Variants in MESP1 observed in about 807,000 individuals in gnomAD.
MESP1 encodes mesoderm posterior protein 1.
A neutral mutation model predicts 15.2 loss-of-function variants in MESP1; 22 were observed. The observed-to-expected ratio is 1.45, with a 90% CI of 1.04 to 2.07. The LOEUF is 2.07. Among genes scored for constraint, MESP1 ranks in the 30% most tolerant of loss-of-function variants. The probability of loss-of-function intolerance (pLI) is 0.00; values close to 1 mark genes in which losing one functional copy is unlikely to be tolerated. For missense variants in MESP1, 484 were observed against 411.9 expected (o/e 1.17, Z -1.51); for synonymous variants, 216 against 192.6 (o/e 1.12, Z -1.01).
the MESP1 span, chr15:89,735,643 G>GA: frequency 7.3e-7 from 1 of 1,372,822 alleles, no homozygotes; most frequent in Non-Finnish European, 1.0e-6. Flanking sequence ...AATGCTTATT[G>GA]AAGGCCTGTT....
At chr15:89,734,016 C>T in the MESP1 span, among the ~76,000 whole-genome samples, 5 of 151,054 alleles carry the variant, frequency 3.3e-5, no homozygotes, top group South Asian at 2.1e-4. Flanking sequence ...TGTGTGTGCG[C>T]GCGCGCATGT....
At chr15:89,747,101 TACACACACACAC>T (rs539868537), downstream of MESP1, among the ~76,000 whole-genome samples, 34,894 of 127,376 alleles carry the variant, frequency 0.27, 4,550 homozygotes, top group South Asian at 0.33. Flanking sequence ...CACTGCCACA[TACACACACACAC>T]ACACACACAC....
chr15:89,733,993 A>ATGTGTGTG, the MESP1 span, among the ~76,000 whole-genome samples: 1 of 149,206 alleles, frequency 6.7e-6, no homozygotes, highest in Non-Finnish European at 1.5e-5. Flanking sequence ...AACCTGTATA[A>ATGTGTGTG]TGTGTGTGTG....
At chr15:89,746,673 A>C (rs1307455807), downstream of MESP1, among the ~76,000 whole-genome samples, 3 of 136,880 alleles carry the variant, frequency 2.2e-5, no homozygotes, top group Non-Finnish European at 4.7e-5. Context: ...ACAAACACAC[A>C]CAGCCGCACC....
At chr15:89,738,189 C>T in the MESP1 span, 2 of 1,613,770 alleles carry the variant, frequency 1.2e-6, no homozygotes, top group Admixed American at 1.7e-5. Flanking sequence ...TGGCCTTCCC[C>T]CAAGCACTGC....
At position 89,750,962 on chromosome 15, in the gene MESP1, C is replaced by T. The variant is rs1371061657; in HGVS notation, c.270G>A (p.Arg90=). The T allele has an allele frequency of 3.5e-6, 5 of 1,442,828 alleles. No individual in the cohort carries two copies. In the East Asian group the frequency reaches 1.2e-4, roughly 35 times the overall value. The allele number at this position is 1,442,828 out of a possible 1,614,324, so 89.4% of individuals were successfully genotyped here. A position where few individuals can be genotyped will look rare whatever the true frequency, so the allele number is the denominator to read the frequency against. Residue 90 remains arginine (R), a synonymous_variant, in exon 1 of 2, where the codon CGG becomes CGA. Coordinates refer to ENST00000300057, the MANE Select transcript of MESP1 (RefSeq NM_018670.4). ...GSGQRQSASE[R]EKLRMRTLAR... ...CCAGCGTGCGCATGCGCAGTTTCTC[C>T]CGCTCACTGGCGCTCTGCCTCTGCC...
the MESP1 span, among the ~76,000 whole-genome samples, chr15:89,742,416 C>G: frequency 4.7e-5 from 7 of 148,502 alleles, no homozygotes; most frequent in African/African-American, 1.8e-4. Flanking sequence ...CCACTGACAG[C>G]CCCCCCTCCA....
At chr15:89,743,376 G>A in the MESP1 span, 1 of 1,614,170 alleles carries the variant, frequency 6.2e-7, no homozygotes, top group Non-Finnish European at 8.5e-7. Context: ...TCCAGAGAGA[G>A]AACTTCAAGA....
At chr15:89,740,858 G>T in the MESP1 span, among the ~76,000 whole-genome samples, 1 of 151,904 alleles carries the variant, frequency 6.6e-6, no homozygotes, top group Non-Finnish European at 1.5e-5. Flanking sequence ...GTGTTAAATT[G>T]GCCGGGCGCG....
the MESP1 span, chr15:89,738,021 G>C: frequency 9.4e-6 from 15 of 1,591,098 alleles, no homozygotes; most frequent in South Asian, 1.7e-4. Context: ...ACAGAACATG[G>C]TGTTCTTGTC....
chr15:89,742,917 T>TA, the MESP1 span, among the ~76,000 whole-genome samples: 1 of 152,252 alleles, frequency 6.6e-6, no homozygotes, highest in Non-Finnish European at 1.5e-5. Flanking sequence ...GTGACTGGCA[T>TA]ATTTCAGTCA....
the MESP1 span, among the ~76,000 whole-genome samples, chr15:89,734,890 G>T: frequency 6.6e-6 from 1 of 152,098 alleles, no homozygotes; most frequent in Non-Finnish European, 1.5e-5. Context: ...TCTCTAAACA[G>T]TATATTATTT....
At chr15:89,747,946 G>T (rs184036161), downstream of MESP1, among the ~76,000 whole-genome samples, 203 of 152,286 alleles carry the variant, frequency 1.3e-3, no homozygotes, top group African/African-American at 4.7e-3. Flanking sequence ...TGGGGGTTGG[G>T]GATGCTGGAG....
rs1466739853 is a variant in MESP1, at chr15:89,750,189, C to T, written c.762G>A (p.Trp254Ter). 1.2e-6 allele frequency: 2 copies of T among 1,613,962 alleles called. No individual in the cohort carries two copies. Among genetic ancestry groups the T allele is most frequent in the South Asian group, 1.1e-5 (1 of 91,090 alleles). ...GCCACTCCAGAGGCGAGAGGGGCATCCAGGTCTCCAACAGAGCCAGCACGT... is the reference window on the plus strand; with the variant it reads ...GCCACTCCAGAGGCGAGAGGGGCATTCAGGTCTCCAACAGAGCCAGCACGT... Reference protein sequence around the residue: ...PGDVLALLETWMPLSPLEWLP... With the variant: ...PGDVLALLET Residue 254 changes from tryptophan (W) to a stop codon, truncating the protein, a stop_gained, in exon 2 of 2, where the codon TGG becomes TGA. Coordinates refer to ENST00000300057, the MANE Select transcript of MESP1 (RefSeq NM_018670.4). LOFTEE classifies it high-confidence loss of function.
downstream of MESP1, chr15:89,748,841 CTG>C (rs1345682547): frequency 6.6e-6 from 1 of 152,156 alleles, no homozygotes; most frequent in Non-Finnish European, 1.5e-5. Flanking sequence ...TTGCACAACT[CTG>C]TGGATGTACT....
rs1968079164 is a variant in MESP1, at chr15:89,750,883, C to T, written c.349G>A (p.Gly117Ser). The change falls in exon 1 of 2, where the codon GGC becomes AGC. Residue 117 changes from glycine to serine, a missense_variant. Gly to Ser is a moderately conservative substitution (Grantham distance 56). Transcript: ENST00000300057. ...GTCTCGATCTTGGTCAGGCTCTGGCCCGCGGGCGCCACGGACGGCGGTAGA... is the reference window on the plus strand; with the variant it reads ...GTCTCGATCTTGGTCAGGCTCTGGCTCGCGGGCGCCACGGACGGCGGTAGA... ...RFLPPSVAPAGQSLTKIETLR... is the reference protein window; with the variant it reads ...RFLPPSVAPASQSLTKIETLR... The T allele has an allele frequency of 6.6e-7, 1 of 1,506,162 alleles. No individual in the cohort carries two copies. The allele number at this position is 1,506,162 out of a possible 1,614,324, so 93.3% of individuals were successfully genotyped here.
chr15:89,732,705 G>A, the MESP1 span, among the ~76,000 whole-genome samples: 3 of 151,904 alleles, frequency 2.0e-5, no homozygotes, highest in Non-Finnish European at 4.4e-5. Context: ...ATGGTCAGCT[G>A]CGCCTCAGTC....
chr15:89,751,014 C>G lies in MESP1; in HGVS notation c.218G>C (p.Gly73Ala), dbSNP rs541860716. ...GCTGCCCAGGCGGCTGCTGCGCGCGCCGCGCCTACCTACGGAGGGGGCGCG... is the reference window on the plus strand; with the variant it reads ...GCTGCCCAGGCGGCTGCTGCGCGCGGCGCGCCTACCTACGGAGGGGGCGCG... ...DPRAPSVGRR[G>A]ARSSRLGSGQ... The change falls in exon 1 of 2, where the codon GGC becomes GCC. Residue 73 changes from glycine (G) to alanine (A), a missense_variant. Transcript: ENST00000300057. The G allele has an allele frequency of 2.6e-5, 35 of 1,360,042 alleles. 1 individual carries two copies. In the South Asian group the frequency reaches 5.1e-4, roughly 20 times the overall value. The allele number at this position is 1,360,042 out of a possible 1,614,324, so 84.2% of individuals were successfully genotyped here. A position where few individuals can be genotyped will look rare whatever the true frequency, so the allele number is the denominator to read the frequency against.
the MESP1 span, among the ~76,000 whole-genome samples, chr15:89,742,003 G>C: frequency 6.6e-6 from 1 of 152,094 alleles, no homozygotes; most frequent in Non-Finnish European, 1.5e-5. Context: ...CACCCGCCTT[G>C]GCCTCCCAAA....
Sources: gnomAD v4.1 joint callset for allele counts (sites outside exome capture counted in the v4.1 genomes callset) on GRCh38, gnomAD v4.1.1 for gene constraint, MANE v1.5 for transcripts, NCBI Gene and HGNC (gene_info 2026-07-23, HGNC 2026-07-21) for gene names.